GRM7: variants seen among roughly 807,000 people sequenced by gnomAD.
GRM7 encodes metabotropic glutamate receptor 7.
Under a neutral mutation model 84.5 loss-of-function variants are expected in GRM7, and 35 were observed. That is an observed-to-expected ratio of 0.41 (90% CI 0.32 to 0.55). GRM7 has a LOEUF of 0.55. Among genes scored for constraint, GRM7 ranks in the 20% least tolerant of loss-of-function variants. The pLI, the probability that GRM7 is intolerant of heterozygous loss-of-function variation, is 0.19. For synonymous variants in GRM7, 487 were observed against 455.1 expected, an observed-to-expected ratio of 1.07 and a Z score of -0.89; for missense variants, 1,003 against 1,194.6, an observed-to-expected ratio of 0.84 and a Z score of 2.36.
chr3:7,051,552 C>T (rs1696999652), intron 1 of GRM7, among the ~76,000 whole-genome samples: 1 of 151,708 alleles, frequency 6.6e-6, no homozygotes, highest in Non-Finnish European at 1.5e-5. Flanking sequence ...ACTGATTTTT[C>T]TTTTTAACTC....
intron 2 of GRM7, among the ~76,000 whole-genome samples, chr3:7,226,324 G>C (rs79628611): frequency 0.022 from 3,424 of 152,182 alleles, 70 homozygotes; most frequent in African/African-American, 0.056. Flanking sequence ...TCACTTTCAG[G>C]CTCCTTCAGG....
chr3:7,308,024 T>A (rs1338092144), intron 4 of GRM7, among the ~76,000 whole-genome samples: 1 of 152,066 alleles, frequency 6.6e-6, no homozygotes, highest in Admixed American at 6.6e-5. Flanking sequence ...ATGCGAGAAG[T>A]GATAACTGGG....
rs185073277 is a variant in GRM7 at position 6,886,367 on chromosome 3, G to C, written c.519+24460G>C. On this transcript the variant is annotated intron_variant, in intron 1 of 9. Transcript: ENST00000357716. ...TTTGGGAGTGAGGGGCTGGGGTAGG[G>C]ATAGCGTTAGGAGAAATACCTAATG... Among the ~76,000 whole-genome samples, 8 of 152,236 alleles carry C rather than the reference G, an allele frequency of 5.3e-5. No individual in the cohort carries two copies. The East Asian group carries it at 1.5e-3, about 29-fold the overall frequency.
chr3:7,050,788 C>A (rs953735279), intron 1 of GRM7, among the ~76,000 whole-genome samples: 1 of 151,840 alleles, frequency 6.6e-6, no homozygotes, highest in African/African-American at 2.4e-5. Context: ...CACATATTGA[C>A]AAGTACTTGC....
chr3:7,207,774 C>T (rs951331871), intron 2 of GRM7, among the ~76,000 whole-genome samples: 3 of 152,200 alleles, frequency 2.0e-5, no homozygotes, highest in African/African-American at 7.2e-5. Flanking sequence ...ATTTTTAAAA[C>T]ACTACTAGCA....
intron 1 of GRM7, among the ~76,000 whole-genome samples, chr3:6,896,513 A>G (rs1022410536): frequency 6.6e-5 from 10 of 152,216 alleles, no homozygotes; most frequent in Non-Finnish European, 1.3e-4. Flanking sequence ...GCTGATGTGC[A>G]TAATCTAAAA....
chr3:6,868,100 A>G (rs11915408), intron 1 of GRM7, among the ~76,000 whole-genome samples: 2 of 152,174 alleles, frequency 1.3e-5, no homozygotes, highest in Non-Finnish European at 2.9e-5. Context: ...CCACGTGCTA[A>G]AAGTACTTCA....
intron 1 of GRM7, among the ~76,000 whole-genome samples, chr3:6,990,064 T>G (rs1035292933): frequency 1.1e-4 from 16 of 152,298 alleles, no homozygotes; most frequent in Middle Eastern, 3.4e-3. Context: ...ATCCCTCCCT[T>G]CCTGAAGGGC....
intron 9 of GRM7, chr3:7,694,410 T>G (rs1006386958): frequency 4.2e-6 from 4 of 958,104 alleles, no homozygotes; most frequent in Non-Finnish European, 5.0e-6. Context: ...TTTGGTCTCT[T>G]GTACCCATTG....
intron 1 of GRM7, among the ~76,000 whole-genome samples, chr3:7,118,221 A>T (rs1574927545): frequency 6.6e-6 from 1 of 151,950 alleles, no homozygotes; most frequent in East Asian, 1.9e-4. Flanking sequence ...CCCTGTCTCT[A>T]CAAAAAATAA....
intron 5 of GRM7, among the ~76,000 whole-genome samples, chr3:7,428,200 G>A (rs1047002223): frequency 1.3e-5 from 2 of 152,152 alleles, no homozygotes; most frequent in African/African-American, 2.4e-5. Flanking sequence ...GTCCACCAAG[G>A]AGTGTGTCTC....
At chr3:7,606,403 T>C (rs368032122) in intron 8 of GRM7, among the ~76,000 whole-genome samples, 1 of 152,274 alleles carries the variant, frequency 6.6e-6, no homozygotes, top group African/African-American at 2.4e-5. Context: ...GAAAGGAAAA[T>C]TTTTTAAAAA....
At chr3:7,463,054 CACTCAAAGTGTG>C (rs1358070360) in intron 7 of GRM7, among the ~76,000 whole-genome samples, 1 of 152,092 alleles carries the variant, frequency 6.6e-6, no homozygotes, top group Non-Finnish European at 1.5e-5. Context: ...CTGGATGACA[CACTCAAAGTGTG>C]TTTTTACTGG....
chr3:7,471,659 A>G (rs1390638824), intron 7 of GRM7, among the ~76,000 whole-genome samples: 1 of 152,174 alleles, frequency 6.6e-6, no homozygotes, highest in East Asian at 1.9e-4. Context: ...AATTCAAGAT[A>G]ATCTCTCTAC....
intron 5 of GRM7, among the ~76,000 whole-genome samples, chr3:7,421,603 A>AT (rs113564029): frequency 1.6e-4 from 24 of 151,834 alleles, no homozygotes; most frequent in African/African-American, 5.3e-4. Context: ...GGCGTGCATG[A>AT]TTTTTCACTA....
At chr3:7,663,854 A>G (rs1460760017) in intron 8 of GRM7, among the ~76,000 whole-genome samples, 7 of 152,210 alleles carry the variant, frequency 4.6e-5, no homozygotes, top group Non-Finnish European at 1.5e-5. Context: ...ATATTAAGTG[A>G]AAGAGGAAAC....
At chr3:7,692,180 T>TATCA (rs1700830846) in intron 9 of GRM7, among the ~76,000 whole-genome samples, 2 of 152,316 alleles carry the variant, frequency 1.3e-5, no homozygotes, top group South Asian at 2.1e-4. Flanking sequence ...GAGAGAAGGC[T>TATCA]ATCAGTCACT....
chr3:7,320,265 G>A (rs1314356674), intron 4 of GRM7, among the ~76,000 whole-genome samples: 1 of 151,838 alleles, frequency 6.6e-6, no homozygotes, highest in Non-Finnish European at 1.5e-5. Context: ...AAATTAACAA[G>A]AGAAAAGCAT....
At chr3:7,613,023 G>C (rs1272804572) in intron 8 of GRM7, among the ~76,000 whole-genome samples, 1 of 150,998 alleles carries the variant, frequency 6.6e-6, no homozygotes, top group Non-Finnish European at 1.5e-5. Flanking sequence ...TGAATATATA[G>C]TGTTTCCAAG....
Sources: allele counts gnomAD v4.1 joint callset (sites outside exome capture counted in the v4.1 genomes callset), GRCh38; gene constraint gnomAD v4.1.1; transcripts MANE v1.5; gene names NCBI Gene and HGNC (gene_info 2026-07-23, HGNC 2026-07-21).